Variants in MYH7B observed in about 807,000 individuals in gnomAD.
MYH7B encodes myosin-7B.
Under a neutral mutation model 234.5 loss-of-function variants are expected in MYH7B, and 205 were observed. The ratio of observed to expected loss-of-function variants is 0.87; its 90% CI spans 0.78 to 0.98. The LOEUF (loss-of-function observed/expected upper bound fraction) is 0.98, where lower values mean the gene tolerates loss of function less well. Ranked by LOEUF, MYH7B falls within the 50% of genes least tolerant of loss-of-function variation. The pLI is 0.00. For missense variants in MYH7B, 2,652 were observed against 2,633.4 expected (o/e 1.01, Z -0.15); for synonymous variants, 1,193 against 1,105.0 (o/e 1.08, Z -1.58).
At chr20:34,994,505 T>C in intron 27 of MYH7B, 104 bp downstream of exon 27, 1 of 1,346,844 alleles carries the variant, frequency 7.4e-7, no homozygotes, top group Non-Finnish European at 9.9e-7. Context: ...GCCTTATGTC[T>C]CTCTGTTCCA....
At chr20:34,979,346 T>G (rs1600420187) in intron 5 of MYH7B, 44 bp from the exon 6 acceptor site, 1 of 1,464,190 alleles carries the variant, frequency 6.8e-7, no homozygotes, top group Non-Finnish European at 9.4e-7. Context: ...AACCTGGAGG[T>G]GCCTCAGCCC....
exon 32 of MYH7B, chr20:34,997,305 C>T (rs1227437300): frequency 3.2e-6 from 5 of 1,553,304 alleles, no homozygotes; most frequent in South Asian, 2.4e-5. Flanking sequence ...AGCCCGGGCC[C>T]GCGTGGAGAA....
In MYH7B at chr20:34,986,878, G is replaced by C; in HGVS notation, c.905-8G>C. The stretch of plus-strand genomic sequence containing the variant: ...CCTGACCCTCCCTTCTCTGCCCTGT[G>C]TCCCCAGACATGCTGCTTCTGTCTA... On this transcript the variant is annotated splice_region_variant and splice_polypyrimidine_tract_variant and intron_variant, in intron 14 of 44. Coordinates refer to ENST00000262873, the Ensembl canonical transcript of MYH7B. 1 of 1,611,766 alleles carries C rather than the reference G, an allele frequency of 6.2e-7. No individual in the cohort carries two copies. The highest frequency in any genetic ancestry group is 1.3e-5 in the African/African-American group (1 of 74,986).
At chr20:34,991,975 C>A (rs2082158573) in intron 24 of MYH7B, among the ~76,000 whole-genome samples, 1 of 152,174 alleles carries the variant, frequency 6.6e-6, no homozygotes, top group Non-Finnish European at 1.5e-5. Context: ...TTTAATGAGT[C>A]CCCCTCATGA....
At position 35,000,834 on chromosome 20, in the gene MYH7B, G is replaced by GAGGAGGCTGCACAGGAGAGGC; in HGVS notation, c.5246_5266dup (p.Arg1755_Arg1756insGlnGluAlaAlaGlnGluArg). 1 of 1,613,944 alleles carries GAGGAGGCTGCACAGGAGAGGC rather than the reference G, an allele frequency of 6.2e-7. No homozygotes were observed. Among genetic ancestry groups the GAGGAGGCTGCACAGGAGAGGC allele is most frequent in the Non-Finnish European group, 8.5e-7 (1 of 1,179,974 alleles). On this transcript the variant is annotated inframe_insertion, in exon 40 of 45. Transcript: ENST00000262873. ...CTTGGCCCAGCTGAGCGGGGAGGTG[G>GAGGAGGCTGCACAGGAGAGGC]AGGAGGCTGCACAGGAGAGGCGGGA...
In MYH7B at chr20:34,997,387, C is replaced by T. The variant is rs1456238575; in HGVS notation, c.3494C>T (p.Ala1165Val). Residue 1165 changes from alanine (A) to valine (V), a missense_variant, in exon 32 of 45, where the codon GCG becomes GTG. Ala to Val is a moderately conservative substitution (Grantham distance 64, BLOSUM62 0). Around this residue, in one of 3 missense-constraint regions of MYH7B, gnomAD observed 2,279 missense variants for 2,211.4 expected, o/e 1.03. Coordinates refer to ENST00000262873, the Ensembl canonical transcript of MYH7B. ...CTGGAGGAGGCAGGCGGCGCATCCGCGGGGCAGCGCGAGGGCTGCCGCAAG... is the reference window on the plus strand; with the variant it reads ...CTGGAGGAGGCAGGCGGCGCATCCGTGGGGCAGCGCGAGGGCTGCCGCAAG... 5.3e-6 allele frequency: 8 copies of T among 1,510,266 alleles called. No homozygotes were observed. Among genetic ancestry groups the T allele is most frequent in the Middle Eastern group, 2.3e-4 (1 of 4,334 alleles). The allele number at this position is 1,510,266 out of a possible 1,614,324, so 93.6% of individuals were successfully genotyped here.
At chr20:34,993,526 G>A in intron 26 of MYH7B, 56 bp downstream of exon 26, 1 of 1,476,758 alleles carries the variant, frequency 6.8e-7, no homozygotes, top group East Asian at 2.5e-5. Flanking sequence ...TCAGCTCCCA[G>A]ACCCACTGGC....
intron 19 of MYH7B, among the ~76,000 whole-genome samples, chr20:34,988,468 G>A (rs989795924): frequency 2.0e-4 from 30 of 152,140 alleles, no homozygotes; most frequent in African/African-American, 7.0e-4. Flanking sequence ...GGGTGTGTTG[G>A]AGTTGACCAT....
At chr20:34,980,725 A>T (rs2081929491) in exon 8 of MYH7B, 2 of 1,613,870 alleles carry the variant, frequency 1.2e-6, no homozygotes, top group Non-Finnish European at 1.7e-6. Context: ...CTACAACGAC[A>T]TGCTGCGCAG....
At chr20:34,956,469 C>T (rs948347723) in intron 1 of MYH7B, among the ~76,000 whole-genome samples, 1 of 152,270 alleles carries the variant, frequency 6.6e-6, no homozygotes, top group South Asian at 2.1e-4. Flanking sequence ...CCCCAGGTGC[C>T]TTCCCTGTTT....
intron 20 of MYH7B, 44 bp downstream of exon 20, chr20:34,989,963 G>A (rs775645172): frequency 1.5e-5 from 24 of 1,612,824 alleles, no homozygotes; most frequent in South Asian, 9.9e-5. Flanking sequence ...GGCTCCTCCC[G>A]CCCTGCTCCA....
rs1269103244 is a variant in MYH7B at position 34,998,877 on chromosome 20, A to G, written c.4152A>G (p.Ala1384=). ...CCCAGTGGAGGAGCAAGTACGAAGC[A>G]GATGCCATCCAGAGGACCGAGGAGC... Residue 1384 remains alanine (A), a synonymous_variant, in exon 35 of 45, where the codon GCA becomes GCG. Coordinates refer to ENST00000262873, the Ensembl canonical transcript of MYH7B. 7 of 1,613,074 alleles carry G rather than the reference A, an allele frequency of 4.3e-6. No individual in the cohort carries two copies. In the East Asian group the frequency reaches 1.6e-4, roughly 36 times the overall value.
chr20:34,986,658 C>T (rs765973352), intron 14 of MYH7B, among the ~76,000 whole-genome samples: 9 of 152,174 alleles, frequency 5.9e-5, no homozygotes, highest in Non-Finnish European at 1.2e-4. Flanking sequence ...GAAAAAGAAG[C>T]CAGGGTCAAA....
chr20:34,968,782 C>A (rs1402859253), intron 2 of MYH7B, among the ~76,000 whole-genome samples: 1 of 152,152 alleles, frequency 6.6e-6, no homozygotes, highest in East Asian at 1.9e-4. Flanking sequence ...CCTTACACTG[C>A]GGCAGCCTAC....
chr20:34,975,178 T>C (rs184525880), intron 2 of MYH7B, among the ~76,000 whole-genome samples: 67 of 152,340 alleles, frequency 4.4e-4, no homozygotes, highest in South Asian at 2.9e-3. Context: ...GGGATAATTT[T>C]TCATAATTTC....
chr20:34,968,062 G>A (rs2081759345), intron 2 of MYH7B, among the ~76,000 whole-genome samples: 1 of 152,192 alleles, frequency 6.6e-6, no homozygotes, highest in Admixed American at 6.5e-5. Context: ...CCCATGGGCT[G>A]AGCACTTTGT....
intron 8 of MYH7B, 126 bp from the exon 9 acceptor site, chr20:34,980,907 C>G: frequency 3.3e-6 from 5 of 1,503,052 alleles, no homozygotes; most frequent in Non-Finnish European, 4.6e-6. Context: ...AGGGACAGCC[C>G]CACCTGCTCC....
At chr20:34,989,657 G>A (rs937400176) in intron 19 of MYH7B, 83 bp from the exon 20 acceptor site, 6 of 1,377,220 alleles carry the variant, frequency 4.4e-6, no homozygotes, top group African/African-American at 1.5e-5. Flanking sequence ...TCCCAGAAGG[G>A]AGGTGGCCTG....
intron 10 of MYH7B, 151 bp from the exon 11 acceptor site, chr20:34,984,541 G>T: frequency 2.9e-6 from 2 of 701,402 alleles, no homozygotes. Flanking sequence ...GGAGGGTCAG[G>T]CCGAGGGGCT....
Sources: allele counts gnomAD v4.1 joint callset (sites outside exome capture counted in the v4.1 genomes callset), GRCh38; gene constraint gnomAD v4.1.1; regional missense constraint gnomAD v4.1.1; transcripts MANE v1.5; gene names NCBI Gene and HGNC (gene_info 2026-07-23, HGNC 2026-07-21).